Variants in GALNT13 observed in about 807,000 individuals in gnomAD.
GALNT13 encodes the protein UDP-GalNAc:polypeptide N-acetylgalactosaminyltransferase 13.
A neutral mutation model predicts 64.2 loss-of-function variants in GALNT13; 28 were observed. The observed-to-expected ratio is 0.44, with a 90% CI of 0.32 to 0.60. The LOEUF is 0.60. Among genes scored for constraint, GALNT13 ranks in the 20% least tolerant of loss-of-function variants. The pLI, the probability that GALNT13 is intolerant of heterozygous loss-of-function variation, is 0.05. For synonymous variants in GALNT13, 214 were observed against 224.6 expected, an observed-to-expected ratio of 0.95 and a Z score of 0.42; for missense variants, 577 against 669.8, an observed-to-expected ratio of 0.86 and a Z score of 1.53.
At chr2:153,388,202 C>T in the GALNT13 span, among the ~76,000 whole-genome samples, 225 of 152,140 alleles carry the variant, frequency 1.5e-3, 1 homozygote, top group African/African-American at 4.5e-3. Flanking sequence ...GAAATATGAC[C>T]TCTAACTATA....
intron 9 of GALNT13, among the ~76,000 whole-genome samples, chr2:154,355,864 T>C (rs1238847718): frequency 1.3e-5 from 2 of 152,026 alleles, no homozygotes; most frequent in African/African-American, 4.8e-5. Context: ...CTTGTACCAG[T>C]GTACCAAGAA....
At chr2:153,276,817 A>G in the GALNT13 span, among the ~76,000 whole-genome samples, 1 of 152,190 alleles carries the variant, frequency 6.6e-6, no homozygotes, top group African/African-American at 2.4e-5. Flanking sequence ...AGCTATACAT[A>G]GAGGAAATAT....
the GALNT13 span, among the ~76,000 whole-genome samples, chr2:153,367,394 T>C: frequency 2.0e-5 from 3 of 152,086 alleles, no homozygotes; most frequent in African/African-American, 7.2e-5. Flanking sequence ...AGCATAATGA[T>C]CCGTCAAGGT....
the GALNT13 span, among the ~76,000 whole-genome samples, chr2:153,304,414 A>G: frequency 1.3e-5 from 2 of 152,244 alleles, no homozygotes; most frequent in East Asian, 3.9e-4. Context: ...TTTGAGCCTG[A>G]GGTGCTAGGA....
At chr2:153,737,769 TAC>T in the GALNT13 span, among the ~76,000 whole-genome samples, 1 of 152,090 alleles carries the variant, frequency 6.6e-6, no homozygotes, top group East Asian at 1.9e-4. Flanking sequence ...TTACTTAAAC[TAC>T]AGTTTCCTCA....
the GALNT13 span, among the ~76,000 whole-genome samples, chr2:153,775,634 T>C: frequency 2.6e-5 from 4 of 152,148 alleles, no homozygotes; most frequent in African/African-American, 7.2e-5. Flanking sequence ...CTAAGTCTAA[T>C]ATCTTTTTCA....
At chr2:153,442,103 T>G in the GALNT13 span, among the ~76,000 whole-genome samples, 1 of 152,188 alleles carries the variant, frequency 6.6e-6, no homozygotes, top group Non-Finnish European at 1.5e-5. Context: ...TAGCTCTTAT[T>G]ATTTTGAGAT....
the GALNT13 span, among the ~76,000 whole-genome samples, chr2:153,128,822 T>C: frequency 2.6e-5 from 4 of 152,052 alleles, no homozygotes; most frequent in Admixed American, 1.3e-4. Flanking sequence ...AACTCTTACA[T>C]GGATGGCAGC....
chr2:154,032,414 G>A (rs1353755113), intron 3 of GALNT13, among the ~76,000 whole-genome samples: 1 of 151,750 alleles, frequency 6.6e-6, no homozygotes, highest in Non-Finnish European at 1.5e-5. Context: ...TAGCACTTTC[G>A]ATTTATCTAA....
the GALNT13 span, among the ~76,000 whole-genome samples, chr2:153,491,738 A>T: frequency 6.6e-6 from 1 of 151,898 alleles, no homozygotes; most frequent in South Asian, 2.1e-4. Flanking sequence ...CTCTTGCCTC[A>T]GCCTCCCTGG....
intron 4 of GALNT13, among the ~76,000 whole-genome samples, chr2:154,153,168 A>T (rs981019967): frequency 6.6e-6 from 1 of 152,150 alleles, no homozygotes; most frequent in Non-Finnish European, 1.5e-5. Context: ...CCTTAGCTGC[A>T]GGTCTGTTGG....
chr2:154,438,618 A>T lies in GALNT13; in HGVS notation c.1422A>T (p.Glu474Asp). The change falls in exon 12 of 13, where the codon GAA becomes GAT. Residue 474 changes from glutamate (E) to aspartate (D), a missense_variant. Glu to Asp is a conservative substitution (Grantham distance 45). Coordinates refer to ENST00000392825, the MANE Select transcript of GALNT13 (RefSeq NM_052917.4). ...TATTTTCTTACACTGCTGACAAAGA[A>T]ATCCGAACCGATGACTTGTGCTTGG... is the stretch of plus-strand genomic sequence containing the variant. ...NQVFSYTADK[E>D]IRTDDLCLDV... is the part of the protein sequence containing the mutation. 1 of 1,612,554 alleles carries T rather than the reference A, an allele frequency of 6.2e-7. No individual in the cohort carries two copies. The highest frequency in any genetic ancestry group is 8.5e-7 in the Non-Finnish European group (1 of 1,178,888).
At chr2:154,373,083 CAA>C (rs1433944003) in intron 9 of GALNT13, among the ~76,000 whole-genome samples, 3 of 151,954 alleles carry the variant, frequency 2.0e-5, no homozygotes, top group Non-Finnish European at 4.4e-5. Context: ...ATTTTAATGT[CAA>C]AGTCAATTAG....
the GALNT13 span, among the ~76,000 whole-genome samples, chr2:153,414,926 A>G: frequency 1.3e-5 from 2 of 152,178 alleles, no homozygotes; most frequent in African/African-American, 4.8e-5. Context: ...GAACTCTGGT[A>G]AGAAGAGTAT....
At chr2:153,800,783 T>C in the GALNT13 span, among the ~76,000 whole-genome samples, 1 of 152,166 alleles carries the variant, frequency 6.6e-6, no homozygotes. Context: ...CTACTCCTAA[T>C]TCTACTTGCT....
chr2:153,374,360 A>G, the GALNT13 span, among the ~76,000 whole-genome samples: 1 of 152,104 alleles, frequency 6.6e-6, no homozygotes, highest in African/African-American at 2.4e-5. Context: ...CTTTTCATGT[A>G]CTTATTAGCC....
At chr2:153,393,618 G>C in the GALNT13 span, among the ~76,000 whole-genome samples, 1 of 152,026 alleles carries the variant, frequency 6.6e-6, no homozygotes, top group African/African-American at 2.4e-5. Flanking sequence ...TACCTGGACA[G>C]TTGGTGGAAC....
chr2:153,557,800 C>T, the GALNT13 span, among the ~76,000 whole-genome samples: 7 of 152,146 alleles, frequency 4.6e-5, no homozygotes. Context: ...CTTCATCTAA[C>T]TTCATTCTCC....
At chr2:154,030,101 G>A (rs1295403925) in intron 3 of GALNT13, among the ~76,000 whole-genome samples, 2 of 151,960 alleles carry the variant, frequency 1.3e-5, no homozygotes, top group African/African-American at 4.8e-5. Context: ...AATATTTAAG[G>A]AAATAATGGC....
Sources: gnomAD v4.1 joint callset for allele counts (sites outside exome capture counted in the v4.1 genomes callset) on GRCh38, gnomAD v4.1.1 for gene constraint, MANE v1.5 for transcripts, NCBI Gene and HGNC (gene_info 2026-07-23, HGNC 2026-07-21) for gene names.